Variants in RBFOX1 observed in about 807,000 individuals in gnomAD.
The protein encoded by RBFOX1 is RNA binding fox-1 homolog 1.
Under a neutral mutation model 57.7 loss-of-function variants are expected in RBFOX1, and 8 were observed. The ratio of observed to expected loss-of-function variants is 0.14; its 90% CI spans 0.08 to 0.25. The LOEUF is 0.25. RBFOX1 is among the 10% of genes least tolerant of loss of function. The pLI, the probability that RBFOX1 is intolerant of heterozygous loss-of-function variation, is 1.00. For missense variants in RBFOX1, 611 were observed against 548.5 expected (o/e 1.11, Z -1.14); for synonymous variants, 326 against 222.4 (o/e 1.47, Z -4.15).
chr16:5,984,943 C>G (rs1402000530), intron 4 of RBFOX1, among the ~76,000 whole-genome samples: 1 of 115,848 alleles, frequency 8.6e-6, no homozygotes, highest in African/African-American at 3.8e-5. Context: ...TAGGGCAACT[C>G]CATTATATAT....
At chr16:5,982,913 GA>G (rs1430132241) in intron 4 of RBFOX1, among the ~76,000 whole-genome samples, 1 of 152,186 alleles carries the variant, frequency 6.6e-6, no homozygotes, top group Non-Finnish European at 1.5e-5. Flanking sequence ...AATCATGAGT[GA>G]ATGAATGGGT....
intron 4 of RBFOX1, among the ~76,000 whole-genome samples, chr16:7,061,620 C>T (rs908109315): frequency 6.6e-6 from 1 of 152,198 alleles, no homozygotes; most frequent in Non-Finnish European, 1.5e-5. Context: ...TTCATTCTCC[C>T]TTTCCCTTGC....
intron 1 of RBFOX1, among the ~76,000 whole-genome samples, chr16:5,306,542 A>T (rs2063939205): frequency 6.6e-6 from 1 of 152,098 alleles, no homozygotes; most frequent in African/African-American, 2.4e-5. Context: ...TCATGACCTC[A>T]AGTGACCCAC....
At chr16:5,951,461 G>A (rs368119427) in intron 4 of RBFOX1, among the ~76,000 whole-genome samples, 1 of 151,894 alleles carries the variant, frequency 6.6e-6, no homozygotes, top group East Asian at 1.9e-4. Context: ...ATATATGTGT[G>A]TGTGTGTATG....
intron 1 of RBFOX1, among the ~76,000 whole-genome samples, chr16:5,243,968 C>T (rs1374708862): frequency 6.6e-6 from 1 of 152,080 alleles, no homozygotes; most frequent in East Asian, 1.9e-4. Flanking sequence ...ATGATCTCCG[C>T]TCACTGCAAC....
intron 1 of RBFOX1, among the ~76,000 whole-genome samples, chr16:5,368,191 G>A (rs1423079883): frequency 1.3e-5 from 2 of 152,226 alleles, no homozygotes; most frequent in Admixed American, 6.5e-5. Flanking sequence ...CATAATATTT[G>A]AAGCTGCTCA....
chr16:5,486,687 G>C (rs1170101465), intron 2 of RBFOX1, among the ~76,000 whole-genome samples: 3 of 152,116 alleles, frequency 2.0e-5, no homozygotes, highest in African/African-American at 7.2e-5. Context: ...ATGTAGGAAT[G>C]CAAGTCTACT....
intron 3 of RBFOX1, among the ~76,000 whole-genome samples, chr16:5,689,429 G>A (rs2050601460): frequency 6.6e-6 from 1 of 152,186 alleles, no homozygotes; most frequent in Admixed American, 6.5e-5. Flanking sequence ...ATTTGGTGAT[G>A]AGGGTGGGGA....
intron 4 of RBFOX1, among the ~76,000 whole-genome samples, chr16:7,105,957 C>G (rs2063513636): frequency 6.6e-6 from 1 of 152,128 alleles, no homozygotes; most frequent in Non-Finnish European, 1.5e-5. Flanking sequence ...TTTGTCCAGT[C>G]TTTGTCTGTG....
intron 4 of RBFOX1, among the ~76,000 whole-genome samples, chr16:7,377,167 A>G (rs751533067): frequency 2.6e-5 from 4 of 152,254 alleles, no homozygotes; most frequent in Non-Finnish European, 5.9e-5. Context: ...TTATTTAGAT[A>G]AAATACCAGT....
At chr16:6,376,416 G>A (rs892970229) in intron 2 of RBFOX1, among the ~76,000 whole-genome samples, 2 of 152,168 alleles carry the variant, frequency 1.3e-5, no homozygotes, top group Admixed American at 6.5e-5. Flanking sequence ...TGAAATCAAG[G>A]TGTTAGCAGG....
intron 3 of RBFOX1, among the ~76,000 whole-genome samples, chr16:6,779,357 T>C (rs1443392735): frequency 6.6e-6 from 1 of 152,072 alleles, no homozygotes; most frequent in Non-Finnish European, 1.5e-5. Context: ...TCATGCTTTT[T>C]TGTGGTTGAA....
rs368763736 is a variant in RBFOX1, at chr16:7,579,761, C to A, written c.271-16C>A. On this transcript the variant is annotated splice_polypyrimidine_tract_variant and intron_variant, in intron 5 of 15. Coordinates refer to ENST00000550418, the MANE Select transcript of RBFOX1 (RefSeq NM_018723.4). ...GGTCCACTGAGAACCTCTTCGGTTT[C>A]TTCTTGTTCTTTTAGCAGACAGATG... 1 of 1,613,856 alleles carries A rather than the reference C, an allele frequency of 6.2e-7. No individual in the cohort carries two copies. Among genetic ancestry groups the A allele is most frequent in the Non-Finnish European group, 8.5e-7 (1 of 1,179,922 alleles).
chr16:6,611,190 A>C (rs1485717835), intron 2 of RBFOX1, among the ~76,000 whole-genome samples: 1 of 152,194 alleles, frequency 6.6e-6, no homozygotes, highest in Admixed American at 6.5e-5. Flanking sequence ...TCTGTCACCC[A>C]GGCTGGAGTA....
chr16:5,703,132 G>T (rs7194023), intron 3 of RBFOX1, among the ~76,000 whole-genome samples: 3,353 of 152,266 alleles, frequency 0.022, 116 homozygotes, highest in African/African-American at 0.076. Flanking sequence ...ACAGTCTAAG[G>T]CATGAGAGAG....
rs776670534 is a variant in RBFOX1, at chr16:5,835,400, A to C, written c.319-31903A>C. On this transcript the variant is annotated intron_variant, in intron 3 of 19. Coordinates refer to the RBFOX1 transcript ENST00000641259. ...GTAGAAAACGGTGCTACACATCTGG[A>C]TTCATACTTGGGGAGGCTTGGGAAA... 7.2e-4 allele frequency among the ~76,000 whole-genome samples: 109 copies of C among 152,332 alleles called. 2 individuals carry two copies. Among genetic ancestry groups the C allele is most frequent in the Admixed American group, 5.5e-3 (84 of 15,302 alleles).
At chr16:7,485,590 C>G (rs1445967301) in intron 4 of RBFOX1, among the ~76,000 whole-genome samples, 3 of 152,176 alleles carry the variant, frequency 2.0e-5, no homozygotes, top group African/African-American at 7.2e-5. Context: ...TCCCTACTCC[C>G]CCAGGCAAGA....
intron 4 of RBFOX1, among the ~76,000 whole-genome samples, chr16:7,181,132 A>G (rs891817792): frequency 3.3e-5 from 5 of 152,182 alleles, no homozygotes; most frequent in East Asian, 1.9e-4. Flanking sequence ...TAGGCTTTCA[A>G]TCCTTCCTTG....
At chr16:6,580,630 T>G (rs2097524135) in intron 2 of RBFOX1, among the ~76,000 whole-genome samples, 1 of 152,220 alleles carries the variant, frequency 6.6e-6, no homozygotes. Context: ...GGGACCAACC[T>G]TGGTTGATTC....
Sources: gnomAD v4.1 joint callset for allele counts (sites outside exome capture counted in the v4.1 genomes callset) on GRCh38, gnomAD v4.1.1 for gene constraint, MANE v1.5 for transcripts, NCBI Gene and HGNC (gene_info 2026-07-23, HGNC 2026-07-21) for gene names.